HCLS1: variants seen among roughly 807,000 people sequenced by gnomAD.
The protein encoded by HCLS1 is hematopoietic cell-specific Lyn substrate 1.
A neutral mutation model predicts 68.6 loss-of-function variants in HCLS1; 44 were observed. The ratio of observed to expected loss-of-function variants is 0.64; its 90% CI spans 0.50 to 0.82. The LOEUF is 0.82. Ranked by LOEUF, HCLS1 falls within the 40% of genes least tolerant of loss-of-function variation. HCLS1 has a pLI of 0.00. For missense variants in HCLS1, 602 were observed against 612.1 expected (o/e 0.98, Z 0.17); for synonymous variants, 217 against 225.8 (o/e 0.96, Z 0.35).
rs564350192 is a variant in HCLS1 at position 121,645,913 on chromosome 3, TTATAA to T, written c.289-990_289-986del. ...AATATAAATATGTTATATCATATAA[TTATAA>T]TATATTAAAATATACATAATATAAA... On this transcript the variant is annotated intron_variant, in intron 4 of 13. Coordinates refer to ENST00000314583, the MANE Select transcript of HCLS1 (RefSeq NM_005335.6). Among the ~76,000 whole-genome samples the T allele has an allele frequency of 7.6e-3, 1,079 of 142,614 alleles. 20 individuals are homozygous for T. The highest frequency in any genetic ancestry group is 0.026 in the African/African-American group (1,018 of 39,092). 93.6% of individuals were successfully genotyped at this position (142,614 alleles called of 152,430 possible). A position where few individuals can be genotyped will look rare whatever the true frequency, so the allele number is the denominator to read the frequency against.
intron 1 of HCLS1, among the ~76,000 whole-genome samples, chr3:121,659,098 GAAT>G (rs1937935217): frequency 2.6e-5 from 4 of 152,266 alleles, no homozygotes; most frequent in Non-Finnish European, 4.4e-5. Flanking sequence ...AAAGAAAAAA[GAAT>G]AATATGTAAT....
chr3:121,636,394 A>G lies in HCLS1; in HGVS notation c.621+40T>C, dbSNP rs755270317. On this transcript the variant is annotated intron_variant, in intron 8 of 13. Transcript: ENST00000314583. Reference sequence around the variant, plus strand: ...CTTCTCTGCACACTTTCCTAAACTTAGGGAACTCTTCTTAAGACATTGGTG... The same window carrying G: ...CTTCTCTGCACACTTTCCTAAACTTGGGGAACTCTTCTTAAGACATTGGTG... The G allele has an allele frequency of 6.6e-6, 10 of 1,519,856 alleles. No individual in the cohort carries two copies. In the East Asian group the frequency reaches 2.2e-4, roughly 34 times the overall value. The allele number at this position is 1,519,856 out of a possible 1,614,324, so 94.1% of individuals were successfully genotyped here.
chr3:121,653,232 G>A (rs187680983), intron 3 of HCLS1, among the ~76,000 whole-genome samples: 1 of 152,274 alleles, frequency 6.6e-6, no homozygotes, highest in Admixed American at 6.5e-5. Context: ...TTTTGACTGA[G>A]ACCCATCACA....
chr3:121,642,113 T>C (rs1183284502), intron 6 of HCLS1, among the ~76,000 whole-genome samples: 1 of 143,226 alleles, frequency 7.0e-6, no homozygotes, highest in Non-Finnish European at 1.5e-5. Flanking sequence ...ATCAATATTA[T>C]AGAAAGCGAT....
At chr3:121,657,746 G>A (rs1236692482) in intron 2 of HCLS1, among the ~76,000 whole-genome samples, 1 of 152,112 alleles carries the variant, frequency 6.6e-6, no homozygotes, top group Non-Finnish European at 1.5e-5. Context: ...AGAATCGCTT[G>A]AACCTGGGAG....
intron 6 of HCLS1, among the ~76,000 whole-genome samples, chr3:121,638,861 C>A (rs1426216758): frequency 6.6e-6 from 1 of 152,004 alleles, no homozygotes; most frequent in Non-Finnish European, 1.5e-5. Context: ...ATTCACAGAA[C>A]CAAAATTCAT....
rs941167471 is a variant in HCLS1 at position 121,637,243 on chromosome 3, G to T, written c.468C>A (p.Gly156=). Residue 156 remains glycine, a synonymous_variant, in exon 7 of 14, where the codon GGC becomes GGA. Coordinates refer to ENST00000314583, the MANE Select transcript of HCLS1 (RefSeq NM_005335.6). ...KHTSQKDYSR[G]FGGRYGVEKD... ...TCTCCACCCCGTACCGGCCACCAAA[G>T]CCACGAGAGTAATCTGTGGTCGAAG... 40 of 1,613,246 alleles carry T rather than the reference G, an allele frequency of 2.5e-5. No homozygotes were observed. The highest frequency in any genetic ancestry group is 3.4e-5 in the Non-Finnish European group (40 of 1,179,352).
chr3:121,638,392 G>A (rs1474132902), intron 6 of HCLS1, among the ~76,000 whole-genome samples: 1 of 152,084 alleles, frequency 6.6e-6, no homozygotes, highest in African/African-American at 2.4e-5. Context: ...TAATGAATAG[G>A]GATTAGGATC....
chr3:121,647,060 C>T (rs987410011), intron 4 of HCLS1, among the ~76,000 whole-genome samples: 18 of 149,986 alleles, frequency 1.2e-4, no homozygotes, highest in Non-Finnish European at 2.2e-4. Context: ...CGGCTCACTG[C>T]AAGCTCTGCC....
At chr3:121,637,341 G>A in intron 6 of HCLS1, 85 bp from the exon 7 acceptor site, 1 of 876,124 alleles carries the variant, frequency 1.1e-6, no homozygotes, top group Middle Eastern at 2.2e-4. Flanking sequence ...CAGCAGGAAT[G>A]GGTACAGAGT....
Position 121,639,285 on chromosome 3 carries a change from CA to C in HCLS1, c.455-2030del, listed in dbSNP as rs147577795. On this transcript the variant is annotated intron_variant, in intron 6 of 13. Transcript: ENST00000314583. ...TTTTTCATGCATATAGAACATTGAC[CA>C]AATAGACCATGTGCCAGTCCATAAG... Among the ~76,000 whole-genome samples, 1,010 of 152,142 alleles carry C rather than the reference CA, an allele frequency of 6.6e-3. 16 individuals are homozygous for C. Among genetic ancestry groups the C allele is most frequent in the African/African-American group, 0.023 (973 of 41,494 alleles).
Position 121,631,934 on chromosome 3 carries a change from A to G in HCLS1, c.1373T>C (p.Ile458Thr), listed in dbSNP as rs1050883549. Residue 458 changes from isoleucine to threonine, a missense_variant, in exon 14 of 14, where the codon ATT (isoleucine) becomes ACT (threonine). Ile to Thr is a moderately conservative substitution (Grantham distance 89, BLOSUM62 -1). Transcript: ENST00000314583. The part of the protein sequence containing the change: ...SFDPDDVITD[I>T]EMVDEGWWRG... ...CCACCAGCCCTCGTCCACCATCTCA[A>G]TGTCAGTGATTACGTCGTCCGGATC... 1.9e-6 allele frequency: 3 copies of G among 1,614,196 alleles called. No homozygotes were observed. Among genetic ancestry groups the G allele is most frequent in the Non-Finnish European group, 2.5e-6 (3 of 1,180,036 alleles).
In HCLS1 at chr3:121,632,532, C is replaced by G. The variant is rs1166840936; in HGVS notation, c.1040G>C (p.Arg347Thr). The stretch of plus-strand genomic sequence containing the variant: ...CTCCACCTGGAGGCCTTCCAGAGTC[C>G]TAGGGGGCAGAGCTGGGGGCTCCTC... ...DNEEPPALPP[R>T]TLEGLQVEEE... The change falls in exon 12 of 14, where the codon AGG becomes ACG. Residue 347 changes from arginine (R) to threonine (T), a missense_variant. Arg to Thr is a moderately conservative substitution (Grantham distance 71). Transcript: ENST00000314583. 2.5e-6 allele frequency: 4 copies of G among 1,613,226 alleles called. No homozygotes were observed. The highest frequency in any genetic ancestry group is 3.4e-6 in the Non-Finnish European group (4 of 1,179,966).
chr3:121,646,627 T>G (rs1279064084), intron 4 of HCLS1, among the ~76,000 whole-genome samples: 7 of 115,362 alleles, frequency 6.1e-5, no homozygotes, highest in African/African-American at 1.0e-4. Context: ...ATATTATATA[T>G]TATAAGTATA....
rs190335024 is a variant in HCLS1 at position 121,637,315 on chromosome 3, G to A, written c.455-59C>T. The A allele has an allele frequency of 1.3e-4, 147 of 1,161,582 alleles. 1 individual carries two copies. The East Asian group carries it at 2.9e-3, about 23-fold the overall frequency. The allele number at this position is 1,161,582 out of a possible 1,614,324, so 72.0% of individuals were successfully genotyped here. ...CTTAGGCTCCAGCACACAGGGAAGC[G>A]CTGGAGAAGAGAGGTCAGCAGGAAT... On this transcript the variant is annotated intron_variant, in intron 6 of 13. Coordinates refer to ENST00000314583, the MANE Select transcript of HCLS1 (RefSeq NM_005335.6).
intron 10 of HCLS1, 87 bp from the exon 11 acceptor site, chr3:121,633,258 C>T (rs1200293117): frequency 9.5e-6 from 8 of 845,284 alleles, no homozygotes; most frequent in Non-Finnish European, 1.5e-5. Context: ...CTCTGTAGCC[C>T]AGGCTGGAGT....
intron 3 of HCLS1, among the ~76,000 whole-genome samples, chr3:121,650,437 A>G (rs1937725026): frequency 6.6e-6 from 1 of 152,130 alleles, no homozygotes. Context: ...TAAAGCTACA[A>G]TAATCAGTGC....
At chr3:121,635,237 T>TTCTCTCTCTCTCTCTCTCTCTCTCTC (rs201290743) in intron 9 of HCLS1, among the ~76,000 whole-genome samples, 6 of 114,340 alleles carry the variant, frequency 5.2e-5, no homozygotes, top group African/African-American at 7.6e-5. Context: ...TCTCTCCCTT[T>TTCTCTCTCTCTCTCTCTCTCTCTCTC]TCTCTCTCTC....
At chr3:121,652,758 T>C (rs1453832482) in intron 3 of HCLS1, among the ~76,000 whole-genome samples, 1 of 152,246 alleles carries the variant, frequency 6.6e-6, no homozygotes, top group Non-Finnish European at 1.5e-5. Context: ...TATGAAGTGA[T>C]TGTAGTATTA....
Sources: allele counts gnomAD v4.1 joint callset (sites outside exome capture counted in the v4.1 genomes callset), GRCh38; gene constraint gnomAD v4.1.1; transcripts MANE v1.5; gene names NCBI Gene and HGNC (gene_info 2026-07-23, HGNC 2026-07-21).